GRM7: variants seen among roughly 807,000 people sequenced by gnomAD.
The protein encoded by GRM7 is glutamate metabotropic receptor 7.
GRM7 carries 35 observed loss-of-function variants against 84.5 expected under a neutral mutation model. The ratio of observed to expected loss-of-function variants is 0.41; its 90% confidence interval spans 0.32 to 0.55. The LOEUF (loss-of-function observed/expected upper bound fraction) is 0.55, where lower values mean the gene tolerates loss of function less well. Ranked by LOEUF, GRM7 falls within the 20% of genes least tolerant of loss-of-function variation. The probability of loss-of-function intolerance (pLI) is 0.19; values close to 1 mark genes in which losing one functional copy is unlikely to be tolerated. For missense variants in GRM7, 1,003 were observed against 1,194.6 expected (o/e 0.84, Z 2.36); for synonymous variants, 487 against 455.1 (o/e 1.07, Z -0.89).
intron 1 of GRM7, among the ~76,000 whole-genome samples, chr3:6,864,042 C>T (rs995257738): frequency 1.3e-4 from 20 of 152,298 alleles, no homozygotes; most frequent in Non-Finnish European, 2.5e-4. Flanking sequence ...ACACTAATTT[C>T]TCCATTCCCT....
intron 1 of GRM7, among the ~76,000 whole-genome samples, chr3:7,016,261 T>G (rs558785582): frequency 1.3e-5 from 2 of 152,310 alleles, no homozygotes; most frequent in South Asian, 4.1e-4. Context: ...TAGGGCTCCT[T>G]GCTCACCACA....
intron 7 of GRM7, among the ~76,000 whole-genome samples, chr3:7,488,844 T>G (rs371396131): frequency 2.1e-5 from 3 of 145,774 alleles, no homozygotes; most frequent in South Asian, 4.3e-4. Context: ...TGGAAACCAC[T>G]GATCTAGTAA....
intron 1 of GRM7, among the ~76,000 whole-genome samples, chr3:7,005,263 C>A (rs1695145767): frequency 6.6e-6 from 1 of 152,224 alleles, no homozygotes; most frequent in African/African-American, 2.4e-5. Context: ...AGTCTCTGCT[C>A]ATAGCTGGAT....
chr3:6,909,023 C>T (rs1032732678), intron 1 of GRM7, among the ~76,000 whole-genome samples: 7 of 151,998 alleles, frequency 4.6e-5, no homozygotes, highest in African/African-American at 1.7e-4. Flanking sequence ...CACGTATGTC[C>T]AGGAAAGAAA....
At chr3:7,426,094 C>A (rs12494168) in intron 5 of GRM7, among the ~76,000 whole-genome samples, 1 of 142,758 alleles carries the variant, frequency 7.0e-6, no homozygotes, top group Admixed American at 6.8e-5. Context: ...CCATATCATA[C>A]GTTCTTTCTT....
At chr3:7,289,268 G>A (rs1224338581) in intron 2 of GRM7, among the ~76,000 whole-genome samples, 4 of 152,194 alleles carry the variant, frequency 2.6e-5, no homozygotes, top group Non-Finnish European at 5.9e-5. Context: ...TTGAATTAGA[G>A]CACAAACTTG....
chr3:7,585,175 G>C (rs1695463916), intron 8 of GRM7, among the ~76,000 whole-genome samples: 1 of 152,202 alleles, frequency 6.6e-6, no homozygotes, highest in South Asian at 2.1e-4. Flanking sequence ...CATACTGGTT[G>C]TTGAGGTCTT....
At chr3:7,500,684 T>G (rs1377587049) in intron 7 of GRM7, among the ~76,000 whole-genome samples, 1 of 152,246 alleles carries the variant, frequency 6.6e-6, no homozygotes, top group East Asian at 1.9e-4. Flanking sequence ...CCTCAGCCCC[T>G]TGGGCAGATG....
At chr3:7,202,493 G>C (rs1171275874) in intron 2 of GRM7, among the ~76,000 whole-genome samples, 1 of 152,032 alleles carries the variant, frequency 6.6e-6, no homozygotes, top group Non-Finnish European at 1.5e-5. Flanking sequence ...ACCATACCCA[G>C]CTAATTTTTG....
rs545166076 is a variant in GRM7, at chr3:7,691,853, G to T, written c.2698+11558G>T. Among the ~76,000 whole-genome samples, 5 of 152,152 alleles carry T rather than the reference G, an allele frequency of 3.3e-5. No individual in the cohort carries two copies. In the South Asian group the frequency reaches 1.0e-3, roughly 32 times the overall value. On this transcript the variant is annotated intron_variant, in intron 9 of 9. Transcript: ENST00000357716. ...TTTTTGTATTTTTAGTGGATATGGG[G>T]TTTCACCATGTTTGTCAGGCTGGTC...
At chr3:7,673,928 G>A (rs1306024185) in intron 8 of GRM7, among the ~76,000 whole-genome samples, 12 of 152,100 alleles carry the variant, frequency 7.9e-5, no homozygotes, top group Admixed American at 7.2e-4. Flanking sequence ...CAACTACACA[G>A]CACACACTGA....
chr3:6,967,545 C>T lies in GRM7; in HGVS notation c.519+105638C>T, dbSNP rs116744101. Among the ~76,000 whole-genome samples the T allele has an allele frequency of 3.2e-3, 483 of 152,264 alleles. 1 individual carries two copies. Among genetic ancestry groups the T allele is most frequent in the African/African-American group, 0.011 (443 of 41,560 alleles). On this transcript the variant is annotated intron_variant, in intron 1 of 9. Coordinates refer to ENST00000357716, the MANE Select transcript of GRM7 (RefSeq NM_000844.4). ...GCTCTGTTGTTTCACACAATATCTT[C>T]TTACTTTATCATTAAAGTTGGGATG...
intron 2 of GRM7, among the ~76,000 whole-genome samples, chr3:7,191,502 GA>G (rs1207871502): frequency 1.1e-4 from 16 of 151,756 alleles, no homozygotes; most frequent in Non-Finnish European, 2.2e-4. Context: ...GTAAAAACTG[GA>G]AATAACCCAT....
intron 9 of GRM7, among the ~76,000 whole-genome samples, chr3:7,718,344 C>T (rs762960992): frequency 2.0e-5 from 3 of 152,240 alleles, no homozygotes; most frequent in South Asian, 4.1e-4. Context: ...CCCATTCTTC[C>T]TTCCCCTGTA....
intron 1 of GRM7, among the ~76,000 whole-genome samples, chr3:6,939,961 G>A (rs1434884203): frequency 6.6e-6 from 1 of 152,116 alleles, no homozygotes; most frequent in African/African-American, 2.4e-5. Flanking sequence ...GGGTTTAAAT[G>A]AAGTTTGGTG....
chr3:7,032,143 G>A (rs1696212062), intron 1 of GRM7, among the ~76,000 whole-genome samples: 1 of 152,150 alleles, frequency 6.6e-6, no homozygotes, highest in Non-Finnish European at 1.5e-5. Context: ...CCAGCTTGTG[G>A]AACAACATGC....
rs370334534 is a variant in GRM7, at chr3:7,117,146, G to T, written c.520-29306G>T. On this transcript the variant is annotated intron_variant, in intron 1 of 9. Coordinates refer to ENST00000357716, the MANE Select transcript of GRM7 (RefSeq NM_000844.4). ...ACTCCAGTCCTCAAAGAGTGGAGGA[G>T]ATGGGAAACCCCGCAGTGGCAGCCT... Among the ~76,000 whole-genome samples, 14 of 152,284 alleles carry T rather than the reference G, an allele frequency of 9.2e-5. No homozygotes were observed. The South Asian group carries it at 2.7e-3, about 29-fold the overall frequency.
At chr3:7,561,320 G>A (rs1320500340) in intron 7 of GRM7, 2 of 268,376 alleles carry the variant, frequency 7.5e-6, no homozygotes, top group Non-Finnish European at 1.5e-5. Flanking sequence ...ATTGAATTTA[G>A]TGTGATTTAT....
At chr3:7,001,565 T>G (rs761182831) in intron 1 of GRM7, among the ~76,000 whole-genome samples, 5 of 152,162 alleles carry the variant, frequency 3.3e-5, no homozygotes, top group Non-Finnish European at 5.9e-5. Context: ...AACAGCTTGT[T>G]TCAGGTTTTA....
Sources: gnomAD v4.1 joint callset for allele counts (sites outside exome capture counted in the v4.1 genomes callset) on GRCh38, gnomAD v4.1.1 for gene constraint, MANE v1.5 for transcripts, NCBI Gene and HGNC (gene_info 2026-07-23, HGNC 2026-07-21) for gene names.